Variants in MGAT5 observed in about 807,000 individuals in gnomAD.
MGAT5 encodes alpha-1,6-mannosylglycoprotein 6-beta-N-acetylglucosaminyltransferase.
Under a neutral mutation model 94.3 loss-of-function variants are expected in MGAT5, and 30 were observed. The ratio of observed to expected loss-of-function variants is 0.32; its 90% confidence interval spans 0.24 to 0.43. MGAT5 has a LOEUF of 0.43. MGAT5 is among the 20% of genes least tolerant of loss of function. The probability of loss-of-function intolerance (pLI) is 1.00; values close to 1 mark genes in which losing one functional copy is unlikely to be tolerated. For synonymous variants in MGAT5, 310 were observed against 322.9 expected (o/e 0.96, Z 0.43); for missense variants, 691 against 905.5 (o/e 0.76, Z 3.04).
chr2:134,167,436 G>A (rs1016219342), intron 1 of MGAT5, among the ~76,000 whole-genome samples: 2 of 152,188 alleles, frequency 1.3e-5, no homozygotes, highest in Non-Finnish European at 2.9e-5. Context: ...ATCACCTGGA[G>A]GCCTTGTTAA....
At chr2:134,244,366 T>C (rs1380309350) in intron 1 of MGAT5, among the ~76,000 whole-genome samples, 1 of 152,150 alleles carries the variant, frequency 6.6e-6, no homozygotes, top group Non-Finnish European at 1.5e-5. Flanking sequence ...CTCAAAGCCT[T>C]CTTCCCTGTG....
chr2:134,257,880 T>C (rs1001026499), intron 1 of MGAT5, among the ~76,000 whole-genome samples: 1 of 148,134 alleles, frequency 6.8e-6, no homozygotes, highest in South Asian at 2.2e-4. Flanking sequence ...CTATGTGCAG[T>C]GCATTGCCTA....
intron 12 of MGAT5, among the ~76,000 whole-genome samples, chr2:134,415,764 A>C (rs1558870295): frequency 6.6e-6 from 1 of 152,140 alleles, no homozygotes; most frequent in East Asian, 1.9e-4. Context: ...CTTATATTGA[A>C]GTCTAATCAA....
At chr2:134,398,834 G>A (rs995621816) in intron 10 of MGAT5, among the ~76,000 whole-genome samples, 10 of 152,184 alleles carry the variant, frequency 6.6e-5, no homozygotes, top group Non-Finnish European at 1.3e-4. Flanking sequence ...GATGTCGAAT[G>A]TTCTCACTCC....
intron 1 of MGAT5, among the ~76,000 whole-genome samples, chr2:134,171,527 T>C (rs1688207970): frequency 6.6e-6 from 1 of 152,186 alleles, no homozygotes; most frequent in South Asian, 2.1e-4. Context: ...AGTGAGATAA[T>C]AATTTTTAGA....
intron 2 of MGAT5, among the ~76,000 whole-genome samples, chr2:134,306,164 A>C (rs1400422672): frequency 6.6e-6 from 1 of 152,158 alleles, no homozygotes; most frequent in African/African-American, 2.4e-5. Flanking sequence ...GGAATATTTC[A>C]TATCCTTTAC....
intron 2 of MGAT5, among the ~76,000 whole-genome samples, chr2:134,296,953 C>T (rs1255205107): frequency 6.6e-6 from 1 of 152,008 alleles, no homozygotes; most frequent in Non-Finnish European, 1.5e-5. Flanking sequence ...AATTCTAGCA[C>T]TTTGGGAGGC....
intron 1 of MGAT5, among the ~76,000 whole-genome samples, chr2:134,176,936 G>C (rs1032996739): frequency 6.6e-6 from 1 of 152,146 alleles, no homozygotes; most frequent in Non-Finnish European, 1.5e-5. Flanking sequence ...GGTTTAACAG[G>C]TCACTGGTCT....
chr2:134,243,819 C>G (rs1314606196), intron 1 of MGAT5, among the ~76,000 whole-genome samples: 1 of 152,128 alleles, frequency 6.6e-6, no homozygotes, highest in Non-Finnish European at 1.5e-5. Context: ...TAGGCCAGTA[C>G]CCAGCCGGTG....
intron 12 of MGAT5, among the ~76,000 whole-genome samples, chr2:134,421,210 G>A (rs1270813404): frequency 2.0e-5 from 3 of 152,194 alleles, no homozygotes; most frequent in Non-Finnish European, 2.9e-5. Flanking sequence ...TGACGTTTCA[G>A]ATAAAACAGA....
At chr2:134,351,388 T>C (rs184240836) in intron 9 of MGAT5, among the ~76,000 whole-genome samples, 152 of 152,266 alleles carry the variant, frequency 1.0e-3, no homozygotes, top group Non-Finnish European at 1.9e-3. Flanking sequence ...AATAAAACAT[T>C]AACTGTGTTC....
At chr2:134,127,980 T>C (rs1685928325) in intron 1 of MGAT5, among the ~76,000 whole-genome samples, 1 of 152,088 alleles carries the variant, frequency 6.6e-6, no homozygotes, top group Admixed American at 6.5e-5. Context: ...GCACAGTTTA[T>C]GGTCTCATGC....
intron 12 of MGAT5, among the ~76,000 whole-genome samples, chr2:134,419,473 TG>T (rs1684168192): frequency 1.3e-5 from 2 of 151,696 alleles, no homozygotes; most frequent in Admixed American, 1.3e-4. Flanking sequence ...TGTGTGTGTG[TG>T]TGTGTGTGTG....
intron 12 of MGAT5, among the ~76,000 whole-genome samples, chr2:134,419,664 G>A (rs965936660): frequency 3.3e-5 from 5 of 152,048 alleles, no homozygotes; most frequent in African/African-American, 7.3e-5. Flanking sequence ...AAGAAGGAAC[G>A]TAACATTCAG....
intron 11 of MGAT5, among the ~76,000 whole-genome samples, chr2:134,405,661 A>G (rs143383616): frequency 1.3e-5 from 2 of 152,200 alleles, no homozygotes; most frequent in African/African-American, 4.8e-5. Context: ...GGATTCACAC[A>G]CTTCTTGGAC....
intron 2 of MGAT5, among the ~76,000 whole-genome samples, chr2:134,308,368 A>G (rs1399209998): frequency 1.3e-5 from 2 of 152,198 alleles, no homozygotes; most frequent in African/African-American, 2.4e-5. Flanking sequence ...ACGATAATCC[A>G]GTAGTGAGCA....
In MGAT5 at chr2:134,317,529, A is replaced by G; in HGVS notation, c.407A>G (p.Asp136Gly). The G allele has an allele frequency of 6.4e-7, 1 of 1,556,426 alleles. No individual in the cohort carries two copies. The highest frequency in any genetic ancestry group is 8.7e-7 in the Non-Finnish European group (1 of 1,152,776). The change falls in exon 3 of 16, where the codon GAT becomes GGT. Residue 136 changes from aspartate to glycine, a missense_variant and splice_region_variant. Coordinates refer to ENST00000281923, the MANE Select transcript of MGAT5 (RefSeq NM_002410.5). ...CTTTGTTGTTTTTCATTCTTCACAGATATCATTAACGGAGCTCAAGAAAAA... is the reference window on the plus strand; with the variant it reads ...CTTTGTTGTTTTTCATTCTTCACAGGTATCATTAACGGAGCTCAAGAAAAA... Reference protein sequence around the residue: ...LVALEKINVADIINGAQEKCV... With the variant: ...LVALEKINVAGIINGAQEKCV...
intron 8 of MGAT5, among the ~76,000 whole-genome samples, chr2:134,346,981 T>C (rs549645186): frequency 9.9e-5 from 15 of 152,254 alleles, no homozygotes; most frequent in African/African-American, 3.1e-4. Context: ...CTAGGAGGTA[T>C]TTGGCATGGC....
intron 1 of MGAT5, among the ~76,000 whole-genome samples, chr2:134,243,895 C>T (rs1682097802): frequency 6.6e-6 from 1 of 152,070 alleles, no homozygotes; most frequent in Non-Finnish European, 1.5e-5. Flanking sequence ...GCTTAGGAAG[C>T]ATTTGGAAAT....
Sources: gnomAD v4.1 joint callset for allele counts (sites outside exome capture counted in the v4.1 genomes callset) on GRCh38, gnomAD v4.1.1 for gene constraint, MANE v1.5 for transcripts, NCBI Gene and HGNC (gene_info 2026-07-23, HGNC 2026-07-21) for gene names.